The following HERC2 variants were observed in gnomAD, a reference collection of about 807,000 sequenced individuals.
HERC2 encodes E3 ubiquitin-protein ligase HERC2.
Under a neutral mutation model 537.7 loss-of-function variants are expected in HERC2, and 102 were observed. The ratio of observed to expected loss-of-function variants is 0.19; its 90% CI spans 0.16 to 0.22. HERC2 has a LOEUF of 0.22. Ranked by LOEUF, HERC2 falls within the 10% of genes least tolerant of loss-of-function variation. The pLI is 1.00. For synonymous variants in HERC2, 2,224 were observed against 2,466.2 expected (o/e 0.90, Z 2.91); for missense variants, 4,236 against 6,198.2 (o/e 0.68, Z 10.63).
At chr15:28,316,059 T>TA (rs11396433) in intron 2 of HERC2, 198,354 of 273,816 alleles carry the variant, frequency 0.72, 63,442 homozygotes, top group African/African-American at 0.8. Flanking sequence ...TTCCGCTGTT[T>TA]AAAAAAAAAA....
At chr15:28,264,046 A>T (rs1190490173) in intron 14 of HERC2, among the ~76,000 whole-genome samples, 1 of 151,934 alleles carries the variant, frequency 6.6e-6, no homozygotes, top group Non-Finnish European at 1.5e-5. Context: ...AAACAAACAA[A>T]AACAAAAAAA....
At chr15:28,192,564 A>G (rs1347883578) in intron 52 of HERC2, among the ~76,000 whole-genome samples, 2 of 152,236 alleles carry the variant, frequency 1.3e-5, no homozygotes, top group African/African-American at 2.4e-5. Context: ...TTCCCCATCA[A>G]AGACAACTAG....
At chr15:28,258,060 A>G (rs1246942195) in intron 16 of HERC2, among the ~76,000 whole-genome samples, 1 of 152,218 alleles carries the variant, frequency 6.6e-6, no homozygotes, top group Non-Finnish European at 1.5e-5. Context: ...AAATCTTAAC[A>G]AATTTAAAAG....
Position 28,269,249 on chromosome 15 carries a change from A to G in HERC2, c.1445T>C (p.Leu482Pro), listed in dbSNP as rs759498987. ...VYTQAYNSDT[L>P]APQLVQGLAS... Reference sequence around the variant, plus strand: ...AGGCACAGTGCCCAGAACACTCACCAGCGTGTCACTATTATAGGCCTGTGT... The same window carrying G: ...AGGCACAGTGCCCAGAACACTCACCGGCGTGTCACTATTATAGGCCTGTGT... The change falls in exon 11 of 93, where the codon CTG becomes CCG. Residue 482 changes from leucine (L) to proline (P), a missense_variant and splice_region_variant. By Grantham distance (98) the Leu-to-Pro change is moderately conservative. Coordinates refer to ENST00000261609, the MANE Select transcript of HERC2 (RefSeq NM_004667.6). 1 of 1,612,704 alleles carries G rather than the reference A, an allele frequency of 6.2e-7. No homozygotes were observed. Among genetic ancestry groups the G allele is most frequent in the Non-Finnish European group, 8.5e-7 (1 of 1,179,262 alleles).
chr15:28,262,384 G>A (rs998598926), intron 15 of HERC2, among the ~76,000 whole-genome samples: 1 of 152,168 alleles, frequency 6.6e-6, no homozygotes, highest in African/African-American at 2.4e-5. Flanking sequence ...CACTGAAGGC[G>A]CCGGCACTCT....
At position 28,191,879 on chromosome 15, in the gene HERC2, C is replaced by T. The variant is rs575076549; in HGVS notation, c.8451+82G>A. 4.0e-6 allele frequency: 5 copies of T among 1,254,076 alleles called. 1 individual carries two copies. The highest frequency in any genetic ancestry group is 1.5e-5 in the African/African-American group (1 of 67,420). The allele number at this position is 1,254,076 out of a possible 1,614,324, so 77.7% of individuals were successfully genotyped here. ...GGTGCTATCAGCAAAACTTTGCAGGCTGCTCAAAGTTCATTTTGAAAATGT... is the reference window on the plus strand; with the variant it reads ...GGTGCTATCAGCAAAACTTTGCAGGTTGCTCAAAGTTCATTTTGAAAATGT... On this transcript the variant is annotated intron_variant, in intron 53 of 92. Transcript: ENST00000261609.
In HERC2 at chr15:28,113,833, C is replaced by A; in HGVS notation, c.13914-155G>T. ...GATGGCATGAGCATGCTTAGCAGCT[C>A]GGCACTGCAGAGCTTCTCCTGACAC... On this transcript the variant is annotated intron_variant, in intron 90 of 92. Transcript: ENST00000261609. The surrounding 1 kb of genome is among the most constrained non-coding windows in gnomAD (Gnocchi z 7.0). The A allele has an allele frequency of 1.5e-6, 1 of 656,450 alleles. No individual in the cohort carries two copies. The highest frequency in any genetic ancestry group is 2.7e-6 in the Non-Finnish European group (1 of 364,006). 40.7% of individuals were successfully genotyped at this position (656,450 alleles called of 1,614,324 possible). A position where few individuals can be genotyped will look rare whatever the true frequency, so the allele number is the denominator to read the frequency against.
chr15:28,201,503 A>T lies in HERC2; in HGVS notation c.7669T>A (p.Phe2557Ile), dbSNP rs758612885. ...ESQTYKKRAD[F>I]LSNDDYAVYV... The stretch of plus-strand genomic sequence containing the variant: ...ACAGCATAATCATCATTACTCAAGA[A>T]ATCAGCTCGTTTTTTGTACGTCTGG... The change falls in exon 48 of 93, where the codon TTC (phenylalanine) becomes ATC (isoleucine). Residue 2557 changes from phenylalanine to isoleucine, a missense_variant. By Grantham distance (21) the Phe-to-Ile change is conservative (BLOSUM62 0). Coordinates refer to ENST00000261609, the MANE Select transcript of HERC2 (RefSeq NM_004667.6). 2 of 1,613,716 alleles carry T rather than the reference A, an allele frequency of 1.2e-6. No individual in the cohort carries two copies. Among genetic ancestry groups the T allele is most frequent in the East Asian group, 2.2e-5 (1 of 44,884 alleles).
In HERC2 at chr15:28,144,069, G is replaced by T. The variant is rs780431092; in HGVS notation, c.11299+8C>A. 6.9e-5 allele frequency: 112 copies of T among 1,614,028 alleles called. No homozygotes were observed. The highest frequency in any genetic ancestry group is 9.5e-5 in the Non-Finnish European group (112 of 1,180,040). ...GAAGACAGATGTAACTGTAATGGTG[G>T]CATTTACCTAGGGCACTCAGCTGTG... On this transcript the variant is annotated splice_region_variant and intron_variant, in intron 73 of 92. Transcript: ENST00000261609.
intron 65 of HERC2, among the ~76,000 whole-genome samples, chr15:28,171,561 G>C (rs1229242747): frequency 6.6e-6 from 1 of 152,028 alleles, no homozygotes; most frequent in Admixed American, 6.6e-5. Flanking sequence ...AGCAGATGCT[G>C]CTGGAGCCTA....
At chr15:28,192,223 A>T (rs911516075) in intron 52 of HERC2, 72 bp from the exon 53 acceptor site, 2 of 1,293,502 alleles carry the variant, frequency 1.5e-6, no homozygotes, top group Admixed American at 4.2e-5. Flanking sequence ...CAAGAATATT[A>T]CATAGTAAGG....
chr15:28,292,170 A>C (rs996179821), intron 4 of HERC2, among the ~76,000 whole-genome samples: 10 of 148,886 alleles, frequency 6.7e-5, no homozygotes, highest in African/African-American at 2.5e-4. Context: ...TGGAGATTGC[A>C]ATGAGCCAAG....
chr15:28,125,177 C>G lies in HERC2; in HGVS notation c.12819G>C (p.Trp4273Cys). The change falls in exon 84 of 93, where the codon TGG (tryptophan) becomes TGC (cysteine). Residue 4273 changes from tryptophan to cysteine, a missense_variant. This residue lies in a region of HERC2 where 189 missense variants were observed against 255.7 expected (regional missense o/e 0.74). Transcript: ENST00000261609. ...CCAGTTGTCCCTCATCATTGTCGCC[C>G]CATGTATAAACCTCACCTGAATGAA... is the stretch of plus-strand genomic sequence containing the variant. Reference protein sequence around the residue: ...CCTEDGEVYTWGDNDEGQLGD... With the variant: ...CCTEDGEVYTCGDNDEGQLGD... 1 of 1,613,242 alleles carries G rather than the reference C, an allele frequency of 6.2e-7. No individual in the cohort carries two copies.
intron 16 of HERC2, among the ~76,000 whole-genome samples, chr15:28,257,962 G>A (rs1483804537): frequency 6.6e-6 from 1 of 151,964 alleles, no homozygotes; most frequent in Non-Finnish European, 1.5e-5. Context: ...GGAATTACAA[G>A]CGTGAGCCAC....
At chr15:28,216,307 T>A (rs1451037983) in intron 38 of HERC2, among the ~76,000 whole-genome samples, 1 of 146,488 alleles carries the variant, frequency 6.8e-6, no homozygotes, top group Admixed American at 6.7e-5. Context: ...TCTGCACCAC[T>A]TAAATATTTT....
intron 2 of HERC2, chr15:28,320,531 C>A (rs2077202889): frequency 6.6e-6 from 1 of 151,956 alleles, no homozygotes; most frequent in African/African-American, 2.4e-5. Context: ...CCATGATCAA[C>A]TACTGCTTAA....
rs549762741 is a variant in HERC2, at chr15:28,162,261, T to C, written c.10746+833A>G. 1.3e-3 allele frequency among the ~76,000 whole-genome samples: 192 copies of C among 151,990 alleles called. 1 individual carries two copies. The highest frequency in any genetic ancestry group is 4.5e-3 in the African/African-American group (185 of 41,432). ...ACAAGAATCACCTGATCCCGGGAGGTAGAGGTGATCCTGGGAGGCTGAGAT... is the reference window on the plus strand; with the variant it reads ...ACAAGAATCACCTGATCCCGGGAGGCAGAGGTGATCCTGGGAGGCTGAGAT... On this transcript the variant is annotated intron_variant, in intron 69 of 92. Coordinates refer to ENST00000261609, the MANE Select transcript of HERC2 (RefSeq NM_004667.6).
intron 92 of HERC2, among the ~76,000 whole-genome samples, chr15:28,112,490 G>C (rs570106649): frequency 1.3e-5 from 2 of 152,176 alleles, no homozygotes; most frequent in African/African-American, 4.8e-5. Context: ...CCTGAAAGAC[G>C]GCCACTTTTC....
intron 2 of HERC2, among the ~76,000 whole-genome samples, chr15:28,302,976 T>C (rs2076676147): frequency 6.6e-6 from 1 of 151,218 alleles, no homozygotes; most frequent in African/African-American, 2.4e-5. Context: ...ATTTTGTTGA[T>C]TGTTTCCTTT....
Sources: gnomAD v4.1 joint callset for allele counts (sites outside exome capture counted in the v4.1 genomes callset) on GRCh38, gnomAD v4.1.1 for gene constraint, gnomAD v4.1.1 regional missense constraint, Gnocchi (gnomAD v3.1) non-coding constraint, MANE v1.5 for transcripts, NCBI Gene and HGNC (gene_info 2026-07-23, HGNC 2026-07-21) for gene names.